HDAC9: variants seen among roughly 807,000 people sequenced by gnomAD.
HDAC9 encodes histone deacetylase 9.
Under a neutral mutation model 139.4 loss-of-function variants are expected in HDAC9, and 41 were observed. The ratio of observed to expected loss-of-function variants is 0.29; its 90% confidence interval spans 0.23 to 0.38. The LOEUF (loss-of-function observed/expected upper bound fraction) is 0.38, where lower values mean the gene tolerates loss of function less well. HDAC9 is among the 10% of genes least tolerant of loss of function. The pLI, the probability that HDAC9 is intolerant of heterozygous loss-of-function variation, is 1.00. For synonymous variants in HDAC9, 517 were observed against 476.2 expected (o/e 1.09, Z -1.12); for missense variants, 1,147 against 1,297.0 (o/e 0.88, Z 1.78).
intron 2 of HDAC9, among the ~76,000 whole-genome samples, chr7:18,175,106 C>T (rs1788779345): frequency 6.6e-6 from 1 of 152,188 alleles, no homozygotes; most frequent in Admixed American, 6.5e-5. Context: ...CTGTGGTGGG[C>T]TCCACCTAAT....
chr7:18,826,648 CTTT>C (rs547478526), intron 17 of HDAC9, among the ~76,000 whole-genome samples: 5 of 122,060 alleles, frequency 4.1e-5, no homozygotes, highest in Non-Finnish European at 1.8e-5. Context: ...GAATTCAAGT[CTTT>C]TTTTTTTTTT....
At chr7:18,152,302 C>G (rs576937577) in intron 1 of HDAC9, among the ~76,000 whole-genome samples, 100 of 152,288 alleles carry the variant, frequency 6.6e-4, no homozygotes, top group African/African-American at 2.4e-3. Flanking sequence ...AGTGAGGAAA[C>G]TGAAGGTCAG....
intron 1 of HDAC9, among the ~76,000 whole-genome samples, chr7:18,407,076 C>T (rs1752326285): frequency 1.3e-5 from 2 of 152,128 alleles, no homozygotes; most frequent in Admixed American, 6.5e-5. Flanking sequence ...TTACTGAAAT[C>T]TCCTGATCTC....
At position 18,259,864 on chromosome 7, in the gene HDAC9, G is replaced by A. The variant is rs1260322768; in HGVS notation, c.25+97515G>A. On this transcript the variant is annotated intron_variant, in intron 2 of 12. Coordinates refer to the HDAC9 transcript ENST00000417496. ...AATTTTAAAAATCTTACCTCTTTTA[G>A]AAACATTTTATAGTATACCAGTCGT... Among the ~76,000 whole-genome samples the A allele has an allele frequency of 2.0e-5, 3 of 152,210 alleles. No individual in the cohort carries two copies. In the East Asian group the frequency reaches 5.8e-4, roughly 29 times the overall value.
chr7:18,850,048 T>C (rs1797168623), intron 21 of HDAC9, among the ~76,000 whole-genome samples: 1 of 141,652 alleles, frequency 7.1e-6, no homozygotes, highest in Non-Finnish European at 1.5e-5. Flanking sequence ...ACTGTATCTG[T>C]AAGTATTCAA....
At chr7:18,590,006 A>G (rs915142215) in intron 3 of HDAC9, among the ~76,000 whole-genome samples, 1 of 152,168 alleles carries the variant, frequency 6.6e-6, no homozygotes, top group African/African-American at 2.4e-5. Flanking sequence ...GGCAGTCCCT[A>G]CCTTTTCCTG....
intron 24 of HDAC9, among the ~76,000 whole-genome samples, chr7:18,956,986 A>C (rs1162650677): frequency 6.6e-6 from 1 of 152,140 alleles, no homozygotes; most frequent in Non-Finnish European, 1.5e-5. Context: ...AGGCCCTATA[A>C]ATTCTGTAGC....
At chr7:18,685,504 A>G (rs1782206151) in intron 12 of HDAC9, among the ~76,000 whole-genome samples, 1 of 152,094 alleles carries the variant, frequency 6.6e-6, no homozygotes, top group African/African-American at 2.4e-5. Flanking sequence ...AAGATGACAT[A>G]TAGCCACAGC....
At chr7:18,644,928 T>C (rs1786895159) in intron 9 of HDAC9, 135 bp downstream of exon 9, 1 of 801,002 alleles carries the variant, frequency 1.2e-6, no homozygotes, top group African/African-American at 1.8e-5. Flanking sequence ...GTTTGCTATT[T>C]GCTGTGTTGT....
intron 1 of HDAC9, among the ~76,000 whole-genome samples, chr7:18,306,618 C>G (rs562701568): frequency 6.6e-6 from 1 of 152,142 alleles, no homozygotes; most frequent in East Asian, 1.9e-4. Context: ...TGGTGCTATT[C>G]GTGCTGCTGG....
chr7:18,477,435 C>CACACAGGTGTATTT (rs1434588392), intron 1 of HDAC9, among the ~76,000 whole-genome samples: 5 of 151,992 alleles, frequency 3.3e-5, no homozygotes, highest in Non-Finnish European at 7.4e-5. Context: ...GAAACAAATA[C>CACACAGGTGTATTT]ACACAGGTGT....
chr7:18,824,248 G>A (rs766171214), intron 17 of HDAC9, among the ~76,000 whole-genome samples: 53 of 152,238 alleles, frequency 3.5e-4, no homozygotes, highest in Middle Eastern at 3.4e-3. Flanking sequence ...GCTGATCTGG[G>A]ACTTCCAGTA....
chr7:18,251,305 A>T (rs1415851059), intron 2 of HDAC9, among the ~76,000 whole-genome samples: 1 of 152,150 alleles, frequency 6.6e-6, no homozygotes, highest in Non-Finnish European at 1.5e-5. Flanking sequence ...GAGCTGAATG[A>T]TGAGAACACA....
intron 1 of HDAC9, among the ~76,000 whole-genome samples, chr7:18,105,844 A>C (rs1187201180): frequency 6.6e-6 from 1 of 152,226 alleles, no homozygotes; most frequent in Non-Finnish European, 1.5e-5. Context: ...CCACCTGGTG[A>C]ATAGATAAAC....
intron 1 of HDAC9, among the ~76,000 whole-genome samples, chr7:18,394,656 T>G (rs1434735025): frequency 1.3e-5 from 2 of 152,090 alleles, no homozygotes; most frequent in Non-Finnish European, 2.9e-5. Flanking sequence ...TTTTAAAGTA[T>G]ATCTTGAGGA....
intron 17 of HDAC9, among the ~76,000 whole-genome samples, chr7:18,805,962 C>T (rs1216882607): frequency 6.6e-6 from 1 of 152,200 alleles, no homozygotes; most frequent in Non-Finnish European, 1.5e-5. Context: ...GTACACATCA[C>T]ATTTGCCCAC....
At chr7:18,265,753 T>C (rs1242694583) in intron 2 of HDAC9, among the ~76,000 whole-genome samples, 1 of 152,186 alleles carries the variant, frequency 6.6e-6, no homozygotes, top group Non-Finnish European at 1.5e-5. Context: ...CTTTGATATT[T>C]AACTTAATAC....
At chr7:18,533,130 TC>T (rs1440346962) in intron 2 of HDAC9, among the ~76,000 whole-genome samples, 2 of 152,248 alleles carry the variant, frequency 1.3e-5, no homozygotes, top group African/African-American at 2.4e-5. Flanking sequence ...TAGGCTTTTT[TC>T]TGAAGTTCAT....
chr7:18,963,619 C>T (rs1015554048), intron 24 of HDAC9, among the ~76,000 whole-genome samples: 11 of 152,252 alleles, frequency 7.2e-5, no homozygotes, highest in South Asian at 2.1e-4. Flanking sequence ...TTTATTTTCA[C>T]TTCTTCATGG....
Sources: allele counts gnomAD v4.1 joint callset (sites outside exome capture counted in the v4.1 genomes callset), GRCh38; gene constraint gnomAD v4.1.1; transcripts MANE v1.5; gene names NCBI Gene and HGNC (gene_info 2026-07-23, HGNC 2026-07-21).